The following WDPCP variants were observed in gnomAD, a reference collection of about 807,000 sequenced individuals.
The protein encoded by WDPCP is WD repeat containing planar cell polarity effector, also known as WD repeat-containing and planar cell polarity effector protein fritz homolog.
WDPCP carries 71 observed loss-of-function variants against 93.1 expected under a neutral mutation model. The observed-to-expected ratio is 0.76, with a 90% CI of 0.63 to 0.93. The LOEUF (loss-of-function observed/expected upper bound fraction) is 0.93. WDPCP is among the 40% of genes least tolerant of loss of function. The probability of loss-of-function intolerance (pLI) is 0.00; values close to 1 mark genes in which losing one functional copy is unlikely to be tolerated. For synonymous variants in WDPCP, 315 were observed against 315.0 expected (o/e 1.00, Z 0.00); for missense variants, 844 against 887.4 (o/e 0.95, Z 0.62).
At chr2:63,816,051 G>A (rs566021810) in intron 1 of WDPCP, among the ~76,000 whole-genome samples, 1 of 152,168 alleles carries the variant, frequency 6.6e-6, no homozygotes, top group East Asian at 1.9e-4. Context: ...TATGTTTTCA[G>A]TTGTACAAAA....
chr2:63,552,162 A>C (rs940762532), intron 1 of WDPCP, among the ~76,000 whole-genome samples: 3 of 143,556 alleles, frequency 2.1e-5, no homozygotes, highest in African/African-American at 5.3e-5. Flanking sequence ...TATAGTACCC[A>C]AAAAAAGTTG....
chr2:63,771,537 GT>G (rs1046995373), intron 2 of WDPCP, among the ~76,000 whole-genome samples: 13 of 148,200 alleles, frequency 8.8e-5, no homozygotes, highest in Non-Finnish European at 1.4e-4. Context: ...TTGCCAACTT[GT>G]TTTTTTTTTA....
At chr2:63,200,232 T>C (rs771962793) in intron 14 of WDPCP, among the ~76,000 whole-genome samples, 11 of 151,962 alleles carry the variant, frequency 7.2e-5, no homozygotes, top group Non-Finnish European at 1.0e-4. Context: ...AACTCATGCA[T>C]TGTTGGTGGG....
chr2:63,192,129 C>T (rs1267124455), intron 14 of WDPCP, among the ~76,000 whole-genome samples: 2 of 152,010 alleles, frequency 1.3e-5, no homozygotes. Flanking sequence ...TAACATGTTC[C>T]TTTAGATCCA....
intron 6 of WDPCP, among the ~76,000 whole-genome samples, chr2:63,481,316 T>TA (rs1220284493): frequency 5.3e-5 from 8 of 152,116 alleles, no homozygotes; most frequent in Non-Finnish European, 7.4e-5. Flanking sequence ...GTATAACTAC[T>TA]ATGGAAAACA....
At chr2:63,727,448 T>C (rs1183624810) in intron 2 of WDPCP, among the ~76,000 whole-genome samples, 1 of 152,170 alleles carries the variant, frequency 6.6e-6, no homozygotes, top group Non-Finnish European at 1.5e-5. Context: ...TTCAGTTTGC[T>C]GGTATTTTGT....
At chr2:63,826,660 A>T (rs1210015288) in intron 1 of WDPCP, among the ~76,000 whole-genome samples, 1 of 152,192 alleles carries the variant, frequency 6.6e-6, no homozygotes, top group Non-Finnish European at 1.5e-5. Context: ...ACCAAAATAG[A>T]GAAATAAATT....
chr2:63,249,878 A>G (rs565533518), intron 14 of WDPCP, among the ~76,000 whole-genome samples: 1 of 152,312 alleles, frequency 6.6e-6, no homozygotes, highest in East Asian at 1.9e-4. Context: ...AATGACTTCC[A>G]TCGTAGCTAA....
At chr2:63,401,200 G>A (rs559769957) in intron 10 of WDPCP, among the ~76,000 whole-genome samples, 1 of 152,190 alleles carries the variant, frequency 6.6e-6, no homozygotes, top group African/African-American at 2.4e-5. Flanking sequence ...TCATCAGAGT[G>A]AACAGGCAAT....
intron 3 of WDPCP, chr2:63,604,857 G>A: frequency 6.2e-7 from 1 of 1,614,096 alleles, no homozygotes; most frequent in Non-Finnish European, 8.5e-7. Flanking sequence ...GCTGGCTCAA[G>A]GGAGAATTTG....
At chr2:63,810,525 T>C (rs1028213263) in intron 2 of WDPCP, among the ~76,000 whole-genome samples, 10 of 152,060 alleles carry the variant, frequency 6.6e-5, no homozygotes, top group East Asian at 1.9e-4. Context: ...ATGACAGGCA[T>C]TGGAGGGAAA....
intron 14 of WDPCP, among the ~76,000 whole-genome samples, chr2:63,220,505 T>C (rs1251977533): frequency 6.6e-6 from 1 of 152,184 alleles, no homozygotes; most frequent in Non-Finnish European, 1.5e-5. Context: ...TGATAACTAC[T>C]GTTTATTGCT....
intron 1 of WDPCP, among the ~76,000 whole-genome samples, chr2:63,559,496 G>C (rs759402002): frequency 2.0e-5 from 3 of 152,200 alleles, no homozygotes; most frequent in Non-Finnish European, 4.4e-5. Flanking sequence ...TCTGTTTGCA[G>C]ATGACATGAT....
At chr2:63,458,238 A>G (rs1698774597) in intron 6 of WDPCP, among the ~76,000 whole-genome samples, 1 of 152,092 alleles carries the variant, frequency 6.6e-6, no homozygotes, top group Non-Finnish European at 1.5e-5. Context: ...GAAAAAAAAA[A>G]AAAAAATCAA....
chr2:63,610,696 T>C (rs939699691), intron 3 of WDPCP, among the ~76,000 whole-genome samples: 1 of 152,226 alleles, frequency 6.6e-6, no homozygotes, highest in Non-Finnish European at 1.5e-5. Flanking sequence ...AAAGTATGTA[T>C]GTAAATATAT....
chr2:63,299,301 C>G (rs1393595488), intron 13 of WDPCP, among the ~76,000 whole-genome samples: 1 of 152,204 alleles, frequency 6.6e-6, no homozygotes, highest in Admixed American at 6.5e-5. Context: ...TCACCTGTAT[C>G]AAACCAGATA....
At chr2:63,434,124 C>G (rs903030312) in intron 8 of WDPCP, among the ~76,000 whole-genome samples, 188 bp from the exon 9 acceptor site, 4 of 152,094 alleles carry the variant, frequency 2.6e-5, no homozygotes, top group Admixed American at 2.6e-4. Context: ...GACATATGTT[C>G]AAAATTCTCC....
chr2:63,153,622 A>AT (rs1409299722), intron 15 of WDPCP, 48 bp from the exon 16 acceptor site: 1 of 1,394,054 alleles, frequency 7.2e-7, no homozygotes, highest in Non-Finnish European at 1.0e-6. Context: ...AAAAAAGAAA[A>AT]TTTTAAGGTT....
At chr2:63,204,336 CTTTTTTT>C (rs397872785) in intron 14 of WDPCP, among the ~76,000 whole-genome samples, 1 of 92,294 alleles carries the variant, frequency 1.1e-5, no homozygotes, top group East Asian at 2.7e-4. Flanking sequence ...GCCCGTTTGC[CTTTTTTT>C]TTTTTTTTTT....
Sources: gnomAD v4.1 joint callset for allele counts (sites outside exome capture counted in the v4.1 genomes callset) on GRCh38, gnomAD v4.1.1 for gene constraint, MANE v1.5 for transcripts, NCBI Gene and HGNC (gene_info 2026-07-23, HGNC 2026-07-21) for gene names.